UNKL: variants seen among roughly 807,000 people sequenced by gnomAD.
UNKL encodes unk like zinc finger, also known as putative E3 ubiquitin-protein ligase UNKL.
UNKL carries 60 observed loss-of-function variants against 78.0 expected under a neutral mutation model. That is an observed-to-expected ratio of 0.77 (90% CI 0.63 to 0.95). The LOEUF (loss-of-function observed/expected upper bound fraction) is 0.95. Ranked by LOEUF, UNKL falls within the 40% of genes least tolerant of loss-of-function variation. The probability of loss-of-function intolerance (pLI) is 0.00; values close to 1 mark genes in which losing one functional copy is unlikely to be tolerated. For missense variants in UNKL, 1,159 were observed against 1,045.7 expected (o/e 1.11, Z -1.49); for synonymous variants, 608 against 474.8 (o/e 1.28, Z -3.65).
chr16:1,396,028 A>T (rs894378567), intron 6 of UNKL, among the ~76,000 whole-genome samples: 5 of 151,102 alleles, frequency 3.3e-5, no homozygotes, highest in Non-Finnish European at 7.4e-5. Flanking sequence ...CTGCAACCTC[A>T]GCCTCCCAGG....
In UNKL at chr16:1,402,885, G is replaced by A. The variant is rs377025893; in HGVS notation, c.464+283C>T. Among the ~76,000 whole-genome samples the A allele has an allele frequency of 1.1e-3, 174 of 151,866 alleles. 2 individuals are homozygous for A. The highest frequency in any genetic ancestry group is 3.9e-3 in the African/African-American group (163 of 41,392). ...TGGTCACCTGTAGTCCCAGCTACTC[G>A]GGCAGCGGAGGCAGGAGAATGGTGT... is the stretch of plus-strand genomic sequence containing the variant. On this transcript the variant is annotated intron_variant, in intron 3 of 14. Coordinates refer to ENST00000389221, the MANE Select transcript of UNKL (RefSeq NM_001372107.1).
chr16:1,413,026 T>C (rs1023976587), intron 2 of UNKL, among the ~76,000 whole-genome samples: 3 of 151,856 alleles, frequency 2.0e-5, no homozygotes, highest in Admixed American at 1.3e-4. Flanking sequence ...AGCAGGAGGA[T>C]TGCTTGAGCC....
intron 9 of UNKL, among the ~76,000 whole-genome samples, chr16:1,385,742 C>T (rs2036788572): frequency 6.6e-6 from 1 of 152,272 alleles, no homozygotes; most frequent in Non-Finnish European, 1.5e-5. Flanking sequence ...GCAAGCCGTG[C>T]AGCCTGCCTG....
intron 5 of UNKL, among the ~76,000 whole-genome samples, chr16:1,397,970 T>C (rs1596740807): frequency 6.6e-6 from 1 of 152,344 alleles, no homozygotes; most frequent in East Asian, 1.9e-4. Flanking sequence ...GCCCGGCCAG[T>C]GCCAGGATGG....
chr16:1,383,286 A>C (rs2036677375), intron 10 of UNKL, among the ~76,000 whole-genome samples: 1 of 151,518 alleles, frequency 6.6e-6, no homozygotes, highest in East Asian at 1.9e-4. Flanking sequence ...AAAAAAAAAA[A>C]AACAAAATCA....
At chr16:1,380,262 T>C (rs1231180926) in intron 10 of UNKL, among the ~76,000 whole-genome samples, 1 of 152,182 alleles carries the variant, frequency 6.6e-6, no homozygotes. Context: ...ACCTACAACC[T>C]GAAGGAAACT....
At position 1,366,301 on chromosome 16, in the gene UNKL, TCA is replaced by T. The variant is rs1260118849; in HGVS notation, c.2139_2140del (p.Cys713Ter). 1 of 1,600,572 alleles carries T rather than the reference TCA, an allele frequency of 6.2e-7. No individual in the cohort carries two copies. The highest frequency in any genetic ancestry group is 1.7e-5 in the Admixed American group (1 of 58,566). ...CTCAGGTGCGGTGGCCGCACACGGC[TCA>T]CAGAGGATGTGGTGCTGACAGGGCC... On this transcript the variant is annotated stop_gained and frameshift_variant, in exon 15 of 15. Transcript: ENST00000389221. LOFTEE classifies it high-confidence loss of function.
intron 12 of UNKL, among the ~76,000 whole-genome samples, chr16:1,369,664 C>T (rs546129975): frequency 5.8e-4 from 88 of 152,334 alleles, no homozygotes; most frequent in Non-Finnish European, 1.0e-3. Flanking sequence ...CCACTGCACC[C>T]GACCAAGTGT....
chr16:1,377,364 G>A (rs1453974759), intron 10 of UNKL, among the ~76,000 whole-genome samples: 1 of 151,896 alleles, frequency 6.6e-6, no homozygotes, highest in Non-Finnish European at 1.5e-5. Flanking sequence ...CAGGACATGG[G>A]GGCCCACCTG....
chr16:1,387,457 G>C lies in UNKL; in HGVS notation c.1087-2072C>G, dbSNP rs527435764. Among the ~76,000 whole-genome samples the C allele has an allele frequency of 1.4e-4, 22 of 152,312 alleles. No individual in the cohort carries two copies. The highest frequency in any genetic ancestry group is 5.3e-4 in the African/African-American group (22 of 41,564). ...CCAGGAAGGCTGAGAAGGACCTCTTGACAGACGTTCTGGTGACCAGACATC... is the reference window on the plus strand; with the variant it reads ...CCAGGAAGGCTGAGAAGGACCTCTTCACAGACGTTCTGGTGACCAGACATC... On this transcript the variant is annotated intron_variant, in intron 9 of 14. Coordinates refer to ENST00000389221, the MANE Select transcript of UNKL (RefSeq NM_001372107.1). The surrounding 1 kb of genome is among the most constrained non-coding windows in gnomAD (Gnocchi z 4.1).
At chr16:1,386,269 A>C (rs1442550641) in intron 9 of UNKL, among the ~76,000 whole-genome samples, 1 of 151,710 alleles carries the variant, frequency 6.6e-6, no homozygotes, top group African/African-American at 2.4e-5. Context: ...AAAATTAGCC[A>C]AGGCCGGGCG....
At chr16:1,371,189 C>A (rs759113279) in intron 11 of UNKL, among the ~76,000 whole-genome samples, 2 of 152,176 alleles carry the variant, frequency 1.3e-5, no homozygotes, top group Non-Finnish European at 2.9e-5. Flanking sequence ...AGGAAAGGCC[C>A]CGCCTGTCTC....
At position 1,367,207 on chromosome 16, in the gene UNKL, C is replaced by G; in HGVS notation, c.1931G>C (p.Gly644Ala). The G allele has an allele frequency of 6.2e-7, 1 of 1,605,060 alleles. No homozygotes were observed. The highest frequency in any genetic ancestry group is 8.5e-7 in the Non-Finnish European group (1 of 1,178,114). Residue 644 changes from glycine to alanine, a missense_variant, in exon 14 of 15, where the codon GGC (glycine) becomes GCC (alanine). Transcript: ENST00000389221. ...CAGCCCCGGCAGTGTGGAGGCTACGCCCAGGCCCTCCAGCTCCTCCTGCAG... is the reference window on the plus strand; with the variant it reads ...CAGCCCCGGCAGTGTGGAGGCTACGGCCAGGCCCTCCAGCTCCTCCTGCAG... ...KQLQEELEGL[G>A]VASTLPGLRG...
chr16:1,411,717 C>A (rs1023889170), intron 2 of UNKL, among the ~76,000 whole-genome samples: 2 of 151,894 alleles, frequency 1.3e-5, no homozygotes, highest in African/African-American at 2.4e-5. Flanking sequence ...CCCAGCTACT[C>A]GGGAGGCTGA....
chr16:1,370,638 G>A (rs917437105), intron 11 of UNKL, among the ~76,000 whole-genome samples: 2 of 152,212 alleles, frequency 1.3e-5, no homozygotes, highest in Non-Finnish European at 1.5e-5. Flanking sequence ...CAAAGAGGCC[G>A]GACACCCACC....
At chr16:1,377,490 A>ACC (rs201006929) in intron 10 of UNKL, among the ~76,000 whole-genome samples, 1 of 148,320 alleles carries the variant, frequency 6.7e-6, no homozygotes, top group African/African-American at 2.5e-5. Context: ...CAGAAAGGAG[A>ACC]CCCCCCCTCT....
At chr16:1,404,336 G>A (rs1344412408) in intron 2 of UNKL, among the ~76,000 whole-genome samples, 3 of 152,198 alleles carry the variant, frequency 2.0e-5, no homozygotes, top group African/African-American at 7.2e-5. Flanking sequence ...GCTGCAGCCT[G>A]GGCACTAGGA....
chr16:1,368,907 T>C (rs1471299107), intron 12 of UNKL, among the ~76,000 whole-genome samples: 1 of 149,988 alleles, frequency 6.7e-6, no homozygotes, highest in Non-Finnish European at 1.5e-5. Context: ...ATAAAAACTT[T>C]TAAAATTTTG....
intron 10 of UNKL, among the ~76,000 whole-genome samples, chr16:1,380,519 A>T (rs866325733): frequency 2.0e-5 from 3 of 152,104 alleles, no homozygotes; most frequent in Middle Eastern, 3.4e-3. Context: ...TGTCTCAGAC[A>T]TGGACAGAGG....
Sources: gnomAD v4.1 joint callset for allele counts (sites outside exome capture counted in the v4.1 genomes callset) on GRCh38, gnomAD v4.1.1 for gene constraint, Gnocchi (gnomAD v3.1) non-coding constraint, MANE v1.5 for transcripts, NCBI Gene and HGNC (gene_info 2026-07-23, HGNC 2026-07-21) for gene names.